The following SFMBT1 variants were observed in gnomAD, a reference collection of about 807,000 sequenced individuals.
SFMBT1 encodes the protein Scm like with four mbt domains 1.
SFMBT1 carries 32 observed loss-of-function variants against 108.7 expected under a neutral mutation model. The observed-to-expected ratio is 0.29, with a 90% CI of 0.22 to 0.40. The LOEUF (loss-of-function observed/expected upper bound fraction) is 0.40. Ranked by LOEUF, SFMBT1 falls within the 10% of genes least tolerant of loss-of-function variation. The pLI is 1.00. For synonymous variants in SFMBT1, 348 were observed against 369.5 expected (o/e 0.94, Z 0.67); for missense variants, 816 against 1,059.6 (o/e 0.77, Z 3.19).
At chr3:52,949,128 A>C (rs1432269742) in intron 3 of SFMBT1, among the ~76,000 whole-genome samples, 1 of 151,964 alleles carries the variant, frequency 6.6e-6, no homozygotes, top group Non-Finnish European at 1.5e-5. Context: ...CTTTCCAGCT[A>C]TCTTTCTGTT....
chr3:53,045,598 G>C (rs1321094179), intron 1 of SFMBT1, among the ~76,000 whole-genome samples: 4 of 141,708 alleles, frequency 2.8e-5, no homozygotes, highest in Non-Finnish European at 4.7e-5. Flanking sequence ...CCGCGCGCGG[G>C]CGCCGCGCTC....
At chr3:52,938,311 A>G (rs184082304) in intron 4 of SFMBT1, among the ~76,000 whole-genome samples, 1 of 152,142 alleles carries the variant, frequency 6.6e-6, no homozygotes, top group Non-Finnish European at 1.5e-5. Context: ...GCATGGCCTA[A>G]ATTTCATATT....
intron 4 of SFMBT1, among the ~76,000 whole-genome samples, chr3:52,939,835 C>T (rs1341631370): frequency 6.6e-6 from 1 of 151,958 alleles, no homozygotes; most frequent in Non-Finnish European, 1.5e-5. Context: ...ACTAAGTCTT[C>T]ATTTTCAATA....
In SFMBT1 at chr3:52,948,911, A is replaced by G. The variant is rs1326394378; in HGVS notation, c.124-5318T>C. ...ATTCCTGGGCTCAAGCAATTCTCCC[A>G]CCTTGGCTCCCAAAGTGCTGGGATT... On this transcript the variant is annotated intron_variant, in intron 3 of 20. Transcript: ENST00000394752. Among the ~76,000 whole-genome samples the G allele has an allele frequency of 8.0e-4, 5 of 6,262 alleles. No homozygotes were observed. The East Asian group carries it at 0.21, about 261-fold the overall frequency. The allele number at this position is 6,262 out of a possible 152,430, so 4.1% of individuals were successfully genotyped here. A position where few individuals can be genotyped will look rare whatever the true frequency, so the allele number is the denominator to read the frequency against.
At chr3:53,008,309 G>A (rs1300596965) in intron 1 of SFMBT1, among the ~76,000 whole-genome samples, 6 of 152,148 alleles carry the variant, frequency 3.9e-5, no homozygotes, top group Admixed American at 2.0e-4. Flanking sequence ...CAACTCCAAC[G>A]GTTCTGGAGA....
intron 11 of SFMBT1, 35 bp downstream of exon 11, chr3:52,921,670 G>A: frequency 6.2e-7 from 1 of 1,605,154 alleles, no homozygotes; most frequent in Non-Finnish European, 8.5e-7. Context: ...AAAGGAGAGT[G>A]GCCACAGGAA....
rs776566315 is a variant in SFMBT1 at position 52,905,293 on chromosome 3, G to A, written c.2461-17C>T. ...ATCAATTTCCTGTTAAAGCATAAAA[G>A]ACAAATTATCTGTGATGTGCACATG... On this transcript the variant is annotated splice_polypyrimidine_tract_variant and intron_variant, in intron 20 of 20. Coordinates refer to ENST00000394752, the MANE Select transcript of SFMBT1 (RefSeq NM_016329.4). 6.8e-6 allele frequency: 11 copies of A among 1,610,266 alleles called. No homozygotes were observed. The South Asian group carries it at 1.0e-4, about 15-fold the overall frequency.
At chr3:53,003,759 C>CAAAAAAAAAAAA (rs370165165) in intron 1 of SFMBT1, among the ~76,000 whole-genome samples, 3 of 81,948 alleles carry the variant, frequency 3.7e-5, no homozygotes, top group Non-Finnish European at 4.7e-5. Flanking sequence ...ATAGAAAGGT[C>CAAAAAAAAAAAA]AAAAAAAAAA....
chr3:52,971,393 C>G (rs530560125), intron 1 of SFMBT1, among the ~76,000 whole-genome samples: 1 of 152,208 alleles, frequency 6.6e-6, no homozygotes, highest in East Asian at 1.9e-4. Flanking sequence ...ATATAAGCAC[C>G]GAAACCCACA....
intron 6 of SFMBT1, among the ~76,000 whole-genome samples, chr3:52,931,344 C>G (rs1185141219): frequency 6.6e-6 from 1 of 152,088 alleles, no homozygotes; most frequent in East Asian, 1.9e-4. Flanking sequence ...TTGATTTAAA[C>G]AGTAACTCTA....
intron 2 of SFMBT1, among the ~76,000 whole-genome samples, chr3:52,960,508 G>T (rs558774878): frequency 6.6e-6 from 1 of 152,258 alleles, no homozygotes; most frequent in South Asian, 2.1e-4. Flanking sequence ...TGTTGGTGAG[G>T]ATATGGAGAA....
In SFMBT1 at chr3:52,928,257, C is replaced by T. The variant is rs562352832; in HGVS notation, c.982G>A (p.Asp328Asn). Residue 328 changes from aspartate to asparagine, a missense_variant, in exon 9 of 21, where the codon GAC (aspartate) becomes AAC (asparagine). Asp to Asn is a conservative substitution (Grantham distance 23, BLOSUM62 1). Transcript: ENST00000394752. Reference protein sequence around the residue: ...HARRSFVCHADSPGIFPVQWS... With the variant: ...HARRSFVCHANSPGIFPVQWS... ...TGCACAGGGAAGATGCCAGGACTGT[C>T]GGCGTGGCACACAAAGGATCGCCGT... 2.7e-5 allele frequency: 43 copies of T among 1,614,104 alleles called. 1 individual carries two copies. In the South Asian group the frequency reaches 2.9e-4, roughly 11 times the overall value.
chr3:52,985,953 G>A (rs755847826), intron 1 of SFMBT1, among the ~76,000 whole-genome samples: 6 of 152,062 alleles, frequency 3.9e-5, no homozygotes, highest in Non-Finnish European at 5.9e-5. Flanking sequence ...GACCAGCCTG[G>A]CCAACATGGT....
At chr3:52,982,097 T>C (rs1280898366) in intron 1 of SFMBT1, among the ~76,000 whole-genome samples, 1 of 152,116 alleles carries the variant, frequency 6.6e-6, no homozygotes, top group Non-Finnish European at 1.5e-5. Context: ...GGGCGTCTAC[T>C]TGCTCCCAAA....
Position 52,969,153 on chromosome 3 carries a change from A to T in SFMBT1, c.-25T>A. On this transcript the variant is annotated 5_prime_UTR_variant, in exon 2 of 21. Transcript: ENST00000394752. Reference sequence around the variant, plus strand: ...TTTCCACAGCATATAGGCAGGCTATATCCTCCCAAAACAAAGGAAAGGCCT... The same window carrying T: ...TTTCCACAGCATATAGGCAGGCTATTTCCTCCCAAAACAAAGGAAAGGCCT... 2 of 1,613,818 alleles carry T rather than the reference A, an allele frequency of 1.2e-6. No homozygotes were observed. Among genetic ancestry groups the T allele is most frequent in the Non-Finnish European group, 1.7e-6 (2 of 1,179,910 alleles).
chr3:53,013,913 G>A (rs1374890547), intron 1 of SFMBT1, among the ~76,000 whole-genome samples: 4 of 152,144 alleles, frequency 2.6e-5, no homozygotes, highest in African/African-American at 9.7e-5. Flanking sequence ...ACAGGTGTGA[G>A]CCACTGCTCC....
At chr3:53,038,848 G>A (rs183614518) in intron 1 of SFMBT1, among the ~76,000 whole-genome samples, 1 of 152,314 alleles carries the variant, frequency 6.6e-6, no homozygotes, top group Admixed American at 6.5e-5. Flanking sequence ...AACAGCTGGG[G>A]ATTGAGTCAC....
chr3:52,991,342 C>CTTTTTTAT (rs1478995209), intron 1 of SFMBT1, among the ~76,000 whole-genome samples: 1 of 91,214 alleles, frequency 1.1e-5, no homozygotes, highest in Non-Finnish European at 2.2e-5. Flanking sequence ...GCTGAAACTT[C>CTTTTTTAT]TTTTTTTTTT....
intron 1 of SFMBT1, among the ~76,000 whole-genome samples, chr3:52,993,877 C>A (rs1698223909): frequency 6.7e-6 from 1 of 149,746 alleles, no homozygotes; most frequent in South Asian, 2.1e-4. Flanking sequence ...CATCGTAAGT[C>A]AAAGCTAAAA....
Sources: gnomAD v4.1 joint callset for allele counts (sites outside exome capture counted in the v4.1 genomes callset) on GRCh38, gnomAD v4.1.1 for gene constraint, MANE v1.5 for transcripts, NCBI Gene and HGNC (gene_info 2026-07-23, HGNC 2026-07-21) for gene names.